The following TUNAR variants were observed in gnomAD, a reference collection of about 807,000 sequenced individuals.
TUNAR encodes the protein transmembrane neural differentiation associated intracellular calcium regulator.
intron 2 of TUNAR, among the ~76,000 whole-genome samples, chr14:95,914,554 C>T (rs1889571612): frequency 6.6e-6 from 1 of 151,988 alleles, no homozygotes; most frequent in Non-Finnish European, 1.5e-5. Flanking sequence ...GTGGGCCTTC[C>T]CAGGAGAAGG....
intron 2 of TUNAR, among the ~76,000 whole-genome samples, chr14:95,911,145 C>T (rs530076431): frequency 4.3e-4 from 66 of 152,322 alleles, no homozygotes; most frequent in African/African-American, 1.4e-3. Context: ...TTCTAGTCCC[C>T]GCTTCCCCCT....
chr14:95,906,046 C>T (rs1336559707), intron 2 of TUNAR, among the ~76,000 whole-genome samples: 2 of 152,194 alleles, frequency 1.3e-5, no homozygotes, highest in South Asian at 2.1e-4. Context: ...TCCACCCCCA[C>T]CTGTTTTTGG....
intron 1 of TUNAR, chr14:95,876,832 C>T (rs985752844): frequency 2.0e-5 from 3 of 152,286 alleles, no homozygotes; most frequent in Non-Finnish European, 4.4e-5. Context: ...CTGTCTCTCT[C>T]TCTTTCCCTC....
chr14:95,882,770 C>T (rs1472680539), intron 2 of TUNAR, among the ~76,000 whole-genome samples: 5 of 152,218 alleles, frequency 3.3e-5, no homozygotes, highest in Admixed American at 3.3e-4. Flanking sequence ...CAACCTGCCA[C>T]ATTTCTCCGC....
At chr14:95,906,148 G>A (rs1889423697) in intron 2 of TUNAR, among the ~76,000 whole-genome samples, 1 of 152,226 alleles carries the variant, frequency 6.6e-6, no homozygotes, top group East Asian at 1.9e-4. Flanking sequence ...CTTCTCCAAG[G>A]AGCCCTGGTT....
At chr14:95,890,455 G>A (rs983863354) in intron 2 of TUNAR, among the ~76,000 whole-genome samples, 2 of 152,208 alleles carry the variant, frequency 1.3e-5, no homozygotes, top group Non-Finnish European at 2.9e-5. Flanking sequence ...GAGAAGTAGA[G>A]TGGCCTGGCT....
At chr14:95,900,209 G>GA (rs1889329508) in intron 2 of TUNAR, among the ~76,000 whole-genome samples, 1 of 152,206 alleles carries the variant, frequency 6.6e-6, no homozygotes, top group Admixed American at 6.5e-5. Context: ...AAGATGTGGC[G>GA]TCTGCCCTCA....
At chr14:95,886,217 C>T (rs934375629) in intron 2 of TUNAR, among the ~76,000 whole-genome samples, 2 of 152,228 alleles carry the variant, frequency 1.3e-5, no homozygotes, top group Non-Finnish European at 2.9e-5. Flanking sequence ...GCCAGCTTCC[C>T]TGAGCTTCCC....
At chr14:95,902,880 G>A (rs1031178339) in intron 2 of TUNAR, among the ~76,000 whole-genome samples, 1 of 152,088 alleles carries the variant, frequency 6.6e-6, no homozygotes. Context: ...TCCTTAAAAA[G>A]CATTCTCCTT....
At position 95,906,573 on chromosome 14, in the gene TUNAR, C is replaced by T. The variant is rs918710297; in HGVS notation, c.13-16208C>T. On this transcript the variant is annotated intron_variant, in intron 2 of 2. Coordinates refer to ENST00000678517, the Ensembl canonical transcript of TUNAR. Reference sequence around the variant, plus strand: ...CTGAGTAGGTGATAGCGTTTGTGTACAGTCTTTTTGTCCTCAGCCTTATGC... The same window carrying T: ...CTGAGTAGGTGATAGCGTTTGTGTATAGTCTTTTTGTCCTCAGCCTTATGC... Among the ~76,000 whole-genome samples, 4 of 152,342 alleles carry T rather than the reference C, an allele frequency of 2.6e-5. No homozygotes were observed. The South Asian group carries it at 8.3e-4, about 32-fold the overall frequency.
intron 2 of TUNAR, among the ~76,000 whole-genome samples, chr14:95,882,536 C>T (rs554223132): frequency 3.4e-3 from 523 of 152,310 alleles, no homozygotes; most frequent in Non-Finnish European, 6.0e-3. Flanking sequence ...TAAAAACCTT[C>T]GCCTTCCTAA....
intron 2 of TUNAR, among the ~76,000 whole-genome samples, chr14:95,884,530 G>A (rs1255298369): frequency 6.6e-6 from 1 of 152,212 alleles, no homozygotes; most frequent in Non-Finnish European, 1.5e-5. Flanking sequence ...TTCTGGGCCT[G>A]CCCACCACCA....
intron 2 of TUNAR, among the ~76,000 whole-genome samples, chr14:95,898,181 G>A (rs1419555192): frequency 1.3e-5 from 2 of 152,210 alleles, no homozygotes; most frequent in Non-Finnish European, 2.9e-5. Context: ...CGATTTCCAG[G>A]TTCTAGATCA....
chr14:95,885,901 G>C (rs1840557576), intron 2 of TUNAR, among the ~76,000 whole-genome samples: 1 of 152,148 alleles, frequency 6.6e-6, no homozygotes. Context: ...CCATTTCTCT[G>C]ATTGCAGTGT....
At chr14:95,904,948 T>C (rs747782562) in intron 2 of TUNAR, among the ~76,000 whole-genome samples, 101 of 152,196 alleles carry the variant, frequency 6.6e-4, no homozygotes, top group Non-Finnish European at 1.2e-3. Context: ...AAAAACCAGC[T>C]CATTCCACAA....
chr14:95,882,877 A>C (rs538849177), intron 2 of TUNAR, among the ~76,000 whole-genome samples: 1 of 152,360 alleles, frequency 6.6e-6, no homozygotes, highest in Non-Finnish European at 1.5e-5. Flanking sequence ...TAAATGATCA[A>C]TATTGATAAG....
rs543677440 is a variant in TUNAR at position 95,895,577 on chromosome 14, C to G, written c.12+18400C>G. Among the ~76,000 whole-genome samples, 4 of 152,136 alleles carry G rather than the reference C, an allele frequency of 2.6e-5. No homozygotes were observed. The highest frequency in any genetic ancestry group is 4.4e-5 in the Non-Finnish European group (3 of 68,022). Reference sequence around the variant, plus strand: ...CGACGCATCCTCCAGGATCATGGTTCGCTCAGCCTCACATTGCTACAAAGT... The same window carrying G: ...CGACGCATCCTCCAGGATCATGGTTGGCTCAGCCTCACATTGCTACAAAGT... On this transcript the variant is annotated intron_variant, in intron 2 of 2. Transcript: ENST00000678517. This position sits in a 1 kb window ranked among gnomAD's most constrained non-coding sequence, Gnocchi z 4.5.
exon 3 of TUNAR, chr14:95,925,495 G>T (rs1280264921): frequency 6.6e-6 from 1 of 152,168 alleles, no homozygotes; most frequent in African/African-American, 2.4e-5. Context: ...AGTAGGCTCT[G>T]TGTGATTCTA....
At chr14:95,909,582 C>T (rs865830341) in intron 2 of TUNAR, among the ~76,000 whole-genome samples, 3 of 152,184 alleles carry the variant, frequency 2.0e-5, no homozygotes, top group Middle Eastern at 3.4e-3. Flanking sequence ...CGTGCCCGGC[C>T]GCTGCCATCT....
Sources: allele counts gnomAD v4.1 joint callset (sites outside exome capture counted in the v4.1 genomes callset), GRCh38; gene constraint gnomAD v4.1.1; non-coding constraint Gnocchi (gnomAD v3.1); transcripts MANE v1.5; gene names NCBI Gene and HGNC (gene_info 2026-07-23, HGNC 2026-07-21).